The following MPDU1 variants were observed in gnomAD, a reference collection of about 807,000 sequenced individuals.
MPDU1 encodes the protein mannose-P-dolichol utilization defect 1.
MPDU1 carries 18 observed loss-of-function variants against 27.6 expected under a neutral mutation model. The observed-to-expected ratio is 0.65, with a 90% CI of 0.45 to 0.97. The LOEUF is 0.97. Ranked by LOEUF, MPDU1 falls within the 50% of genes least tolerant of loss-of-function variation. The pLI, the probability that MPDU1 is intolerant of heterozygous loss-of-function variation, is 0.00. For synonymous variants in MPDU1, 142 were observed against 131.1 expected, an observed-to-expected ratio of 1.08 and a Z score of -0.57; for missense variants, 279 against 297.4, an observed-to-expected ratio of 0.94 and a Z score of 0.46.
At chr17:7,586,198 C>A in intron 3 of MPDU1, 120 bp downstream of exon 3, 3 of 1,298,090 alleles carry the variant, frequency 2.3e-6, no homozygotes, top group Non-Finnish European at 3.3e-6. Flanking sequence ...GTAACCCCAG[C>A]ACTTTGGGAG....
intron 6 of MPDU1, 69 bp downstream of exon 6, chr17:7,587,340 G>T: frequency 6.2e-7 from 1 of 1,613,286 alleles, no homozygotes; most frequent in Non-Finnish European, 8.5e-7. Flanking sequence ...AAGGGCCAAA[G>T]CTGCCCCGTG....
chr17:7,586,607 A>AG (rs1467590738), intron 3 of MPDU1, 85 bp from the exon 4 acceptor site: 1 of 1,162,370 alleles, frequency 8.6e-7, no homozygotes, highest in African/African-American at 1.5e-5. Context: ...ATCAGAGCAT[A>AG]GTGTCCCTGG....
intron 1 of MPDU1, among the ~76,000 whole-genome samples, chr17:7,584,768 G>C (rs2071552975): frequency 6.6e-6 from 1 of 152,160 alleles, no homozygotes; most frequent in Non-Finnish European, 1.5e-5. Flanking sequence ...GAAGCGGGTG[G>C]ATCACCTGAG....
chr17:7,587,148 A>G lies in MPDU1; in HGVS notation c.508-13A>G. 1 of 1,611,574 alleles carries G rather than the reference A, an allele frequency of 6.2e-7. No individual in the cohort carries two copies. ...TCAGGTGACAGAGCCAAAGGTCTCA[A>G]CTCCTCCCCTAGCTTCTCCAGGCAG... is the stretch of plus-strand genomic sequence containing the variant. On this transcript the variant is annotated splice_polypyrimidine_tract_variant and intron_variant, in intron 5 of 6. Coordinates refer to ENST00000250124, the MANE Select transcript of MPDU1 (RefSeq NM_004870.4).
rs756688946 is a variant in MPDU1, at chr17:7,588,133, C to T, written c.*582C>T. ...GGAGTGGAGATGGGGCTGGTTCCTG[C>T]TGCAGTGAGGGGAACAGATGGGACA... On this transcript the variant is annotated 3_prime_UTR_variant, in exon 7 of 7. Coordinates refer to ENST00000250124, the MANE Select transcript of MPDU1 (RefSeq NM_004870.4). The T allele has an allele frequency of 3.1e-6, 2 of 648,980 alleles. No homozygotes were observed. The highest frequency in any genetic ancestry group is 5.7e-6 in the Non-Finnish European group (2 of 351,778). The allele number at this position is 648,980 out of a possible 1,614,324, so 40.2% of individuals were successfully genotyped here. A position where few individuals can be genotyped will look rare whatever the true frequency, so the allele number is the denominator to read the frequency against.
In MPDU1 at chr17:7,586,709, T is replaced by C. The variant is rs1567743195; in HGVS notation, c.320T>C (p.Leu107Ser). ...NFPFSSWGEA[L>S]FLMLQTITIC... The stretch of plus-strand genomic sequence containing the variant: ...CTCTGCAGCTCTTGGGGTGAAGCCT[T>C]ATTCCTGATGCTCCAGACGATCACC... The change falls in exon 4 of 7, where the codon TTA becomes TCA. Residue 107 changes from leucine (L) to serine (S), a missense_variant. Transcript: ENST00000250124. The C allele has an allele frequency of 6.2e-7, 1 of 1,614,162 alleles. No individual in the cohort carries two copies.
At chr17:7,585,851 G>C in intron 2 of MPDU1, 54 bp downstream of exon 2, 1 of 1,612,010 alleles carries the variant, frequency 6.2e-7, no homozygotes, top group Non-Finnish European at 8.5e-7. Flanking sequence ...GGTGCTGAGA[G>C]GCCATCAACT....
chr17:7,587,758 G>A lies in MPDU1; in HGVS notation c.*207G>A. On this transcript the variant is annotated 3_prime_UTR_variant, in exon 7 of 7. Transcript: ENST00000250124. ...AGAGGATGGGGGTAGAGTCTCCCAA[G>A]CCAAAATTTTGACATTTGAGTGCTT... is the stretch of plus-strand genomic sequence containing the variant. 1 of 760,658 alleles carries A rather than the reference G, an allele frequency of 1.3e-6. No individual in the cohort carries two copies. The highest frequency in any genetic ancestry group is 2.2e-6 in the Non-Finnish European group (1 of 449,034). 47.1% of individuals were successfully genotyped at this position (760,658 alleles called of 1,614,324 possible). A position where few individuals can be genotyped will look rare whatever the true frequency, so the allele number is the denominator to read the frequency against.
chr17:7,588,026 G>A lies in MPDU1; in HGVS notation c.*475G>A, dbSNP rs1353289707. On this transcript the variant is annotated 3_prime_UTR_variant, in exon 7 of 7. Transcript: ENST00000250124. ...TCTCCCGGACCCCAGTGCTGGGGTG[G>A]GGGAAGGGGGACGGAGAATGACTCA... 3 of 497,528 alleles carry A rather than the reference G, an allele frequency of 6.0e-6. 1 individual carries two copies. Among genetic ancestry groups the A allele is most frequent in the South Asian group, 3.1e-5 (2 of 64,824 alleles). 30.8% of individuals were successfully genotyped at this position (497,528 alleles called of 1,614,324 possible).
intron 1 of MPDU1, among the ~76,000 whole-genome samples, chr17:7,585,067 C>T (rs1277003578): frequency 6.6e-6 from 1 of 152,042 alleles, no homozygotes; most frequent in Non-Finnish European, 1.5e-5. Context: ...AATGGGGCAC[C>T]CATTGGCCCA....
At chr17:7,584,706 T>G (rs1314832640) in intron 1 of MPDU1, among the ~76,000 whole-genome samples, 1 of 152,078 alleles carries the variant, frequency 6.6e-6, no homozygotes, top group Non-Finnish European at 1.5e-5. Flanking sequence ...GAAAGAGTGG[T>G]ATGGGGCGGG....
rs1567741312 is a variant in MPDU1 at position 7,583,958 on chromosome 17, G to A, written c.96G>A (p.Leu32=). 4 of 1,613,952 alleles carry A rather than the reference G, an allele frequency of 2.5e-6. No individual in the cohort carries two copies. Among genetic ancestry groups the A allele is most frequent in the Non-Finnish European group, 3.4e-6 (4 of 1,179,990 alleles). Reference sequence around the variant, plus strand: ...ACCAACTTTTCGTTCAGTGGGACTTGCTTCACGGTGAGTTTTATTCAGCAT... The same window carrying A: ...ACCAACTTTTCGTTCAGTGGGACTTACTTCACGGTGAGTTTTATTCAGCAT... ...CYDQLFVQWD[L]LHVPCLKILL... Residue 32 remains leucine, a synonymous_variant, in exon 1 of 7, where the codon TTG becomes TTA. Coordinates refer to ENST00000250124, the MANE Select transcript of MPDU1 (RefSeq NM_004870.4).
At chr17:7,587,067 G>GGCGGGGGGGGGGGCA in intron 5 of MPDU1, 50 bp downstream of exon 5, 2 of 1,041,362 alleles carry the variant, frequency 1.9e-6, no homozygotes, top group Non-Finnish European at 2.9e-6. Context: ...GGGTGGGGGG[G>GGCGGGGGGGGGGGCA]AAGAGTAGAA....
At position 7,587,022 on chromosome 17, in the gene MPDU1, G is replaced by A; in HGVS notation, c.507+5G>A. On this transcript the variant is annotated splice_donor_5th_base_variant and intron_variant, in intron 5 of 6. Coordinates refer to ENST00000250124, the MANE Select transcript of MPDU1 (RefSeq NM_004870.4). Reference sequence around the variant, plus strand: ...CCTGCTGTGGTGGTGGGGAGGGTGGGTACCAGGAGCAAGGGACAAGATGTT... The same window carrying A: ...CCTGCTGTGGTGGTGGGGAGGGTGGATACCAGGAGCAAGGGACAAGATGTT... 2 of 1,499,518 alleles carry A rather than the reference G, an allele frequency of 1.3e-6. No individual in the cohort carries two copies. Among genetic ancestry groups the A allele is most frequent in the Non-Finnish European group, 1.8e-6 (2 of 1,106,754 alleles). 92.9% of individuals were successfully genotyped at this position (1,499,518 alleles called of 1,614,324 possible).
intron 1 of MPDU1, among the ~76,000 whole-genome samples, chr17:7,584,417 C>G (rs1327647564): frequency 6.6e-6 from 1 of 152,180 alleles, no homozygotes; most frequent in East Asian, 1.9e-4. Flanking sequence ...GCCTCCCTTC[C>G]TTTTTCTGAT....
chr17:7,585,994 G>A lies in MPDU1; in HGVS notation c.218G>A (p.Gly73Glu), dbSNP rs104894586. 5.6e-6 allele frequency: 9 copies of A among 1,614,152 alleles called. No homozygotes were observed. Among genetic ancestry groups the A allele is most frequent in the Middle Eastern group, 1.7e-4 (1 of 6,056 alleles). Residue 73 changes from glycine (G) to glutamate (E), a missense_variant, in exon 3 of 7, where the codon GGG becomes GAG. Physicochemically the swap from Gly to Glu is moderately conservative, Grantham distance 98. Coordinates refer to ENST00000250124, the MANE Select transcript of MPDU1 (RefSeq NM_004870.4). ...ATCCTGGGAGCCAAGAGTGCTGAAGGGTTGAGTCTCCAGTCTGTAATGCTG... is the reference window on the plus strand; with the variant it reads ...ATCCTGGGAGCCAAGAGTGCTGAAGAGTTGAGTCTCCAGTCTGTAATGCTG... Reference protein sequence around the residue: ...FKILGAKSAEGLSLQSVMLEL... With the variant: ...FKILGAKSAEELSLQSVMLEL...
Position 7,583,962 on chromosome 17 carries a change from C to T in MPDU1, c.100C>T (p.His34Tyr). 1 of 1,613,886 alleles carries T rather than the reference C, an allele frequency of 6.2e-7. No individual in the cohort carries two copies. The highest frequency in any genetic ancestry group is 8.5e-7 in the Non-Finnish European group (1 of 1,179,958). The change falls in exon 1 of 7, where the codon CAC becomes TAC. Residue 34 changes from histidine (H) to tyrosine (Y), a missense_variant. Transcript: ENST00000250124. The part of the protein sequence containing the change: ...DQLFVQWDLL[H>Y]VPCLKILLSK... ...ACTTTTCGTTCAGTGGGACTTGCTT[C>T]ACGGTGAGTTTTATTCAGCATCCGA...
At chr17:7,587,328 C>T (rs2071601882) in intron 6 of MPDU1, 57 bp downstream of exon 6, 1 of 1,612,682 alleles carries the variant, frequency 6.2e-7, no homozygotes, top group Admixed American at 1.7e-5. Flanking sequence ...CTTCTCCCAG[C>T]TAAGGGCCAA....
Position 7,587,802 on chromosome 17 carries a change from T to G in MPDU1, c.*251T>G. ...AGTGCTTTCGTAAGCCCTGTACATG[T>G]ACTATTAATTCAGTCATTCAGCCAA... is the stretch of plus-strand genomic sequence containing the variant. On this transcript the variant is annotated 3_prime_UTR_variant, in exon 7 of 7. Coordinates refer to ENST00000250124, the MANE Select transcript of MPDU1 (RefSeq NM_004870.4). The G allele has an allele frequency of 1.7e-6, 1 of 605,618 alleles. No individual in the cohort carries two copies. The highest frequency in any genetic ancestry group is 3.1e-6 in the Non-Finnish European group (1 of 324,622). The allele number at this position is 605,618 out of a possible 1,614,324, so 37.5% of individuals were successfully genotyped here.
Sources: gnomAD v4.1 joint callset for allele counts (sites outside exome capture counted in the v4.1 genomes callset) on GRCh38, gnomAD v4.1.1 for gene constraint, MANE v1.5 for transcripts, NCBI Gene and HGNC (gene_info 2026-07-23, HGNC 2026-07-21) for gene names.